The following ADAMTS17 variants were observed in gnomAD, a reference collection of about 807,000 sequenced individuals.
The protein encoded by ADAMTS17 is ADAM metallopeptidase with thrombospondin type 1 motif 17.
In ADAMTS17, 113 loss-of-function variants were observed where a neutral mutation model predicts 141.5. The observed-to-expected ratio is 0.80, with a 90% CI of 0.69 to 0.93. The LOEUF (loss-of-function observed/expected upper bound fraction) is 0.93. Ranked by LOEUF, ADAMTS17 falls within the 40% of genes least tolerant of loss-of-function variation. The pLI, the probability that ADAMTS17 is intolerant of heterozygous loss-of-function variation, is 0.00. For synonymous variants in ADAMTS17, 768 were observed against 630.6 expected, an observed-to-expected ratio of 1.22 and a Z score of -3.27; for missense variants, 1,659 against 1,517.9, an observed-to-expected ratio of 1.09 and a Z score of -1.54.
intron 3 of ADAMTS17, among the ~76,000 whole-genome samples, chr15:100,314,608 C>G (rs113679868): frequency 1.4e-3 from 210 of 152,142 alleles, no homozygotes; most frequent in African/African-American, 4.9e-3. Context: ...AGAAGCAAAC[C>G]AAAAGTATGG....
chr15:100,223,544 G>A (rs1181600199), intron 7 of ADAMTS17, among the ~76,000 whole-genome samples: 1 of 152,048 alleles, frequency 6.6e-6, no homozygotes, highest in Non-Finnish European at 1.5e-5. Flanking sequence ...GGGCAAAGAA[G>A]GCAGGGACTC....
intron 17 of ADAMTS17, among the ~76,000 whole-genome samples, chr15:100,049,937 C>T (rs2032012379): frequency 6.6e-6 from 1 of 152,218 alleles, no homozygotes; most frequent in Non-Finnish European, 1.5e-5. Context: ...GCTAACACTT[C>T]ATCTTAGCTC....
chr15:100,258,752 A>T (rs1319847469), intron 6 of ADAMTS17, among the ~76,000 whole-genome samples: 1 of 152,214 alleles, frequency 6.6e-6, no homozygotes, highest in Non-Finnish European at 1.5e-5. Flanking sequence ...TAGCCATTGT[A>T]AAAAGTTTGA....
At position 100,177,650 on chromosome 15, in the gene ADAMTS17, C is replaced by T. The variant is rs142149414; in HGVS notation, c.1181+21668G>A. On this transcript the variant is annotated intron_variant, in intron 8 of 21. Coordinates refer to ENST00000268070, the MANE Select transcript of ADAMTS17 (RefSeq NM_139057.4). ...TTGGATGAAGTGTTCTATAAATGTC[C>T]GTCGGATCCTGTTGGTTGATGTTTG... 2.6e-3 allele frequency among the ~76,000 whole-genome samples: 396 copies of T among 152,130 alleles called. 2 individuals are homozygous for T. The highest frequency in any genetic ancestry group is 9.0e-3 in the African/African-American group (371 of 41,452).
Position 100,086,198 on chromosome 15 carries a change from T to C in ADAMTS17, c.2137+10158A>G, listed in dbSNP as rs561372219. Among the ~76,000 whole-genome samples, 78 of 152,248 alleles carry C rather than the reference T, an allele frequency of 5.1e-4. 1 individual carries two copies. Among genetic ancestry groups the C allele is most frequent in the African/African-American group, 1.8e-3 (73 of 41,542 alleles). On this transcript the variant is annotated intron_variant, in intron 15 of 21. Coordinates refer to ENST00000268070, the MANE Select transcript of ADAMTS17 (RefSeq NM_139057.4). ...CAGAAAAAGGCAGAGGTTGCAATCC[T>C]AGTCTCTGATAAAACAGACTTTAAA...
chr15:100,107,591 G>A (rs74757418), intron 14 of ADAMTS17, among the ~76,000 whole-genome samples: 273 of 152,246 alleles, frequency 1.8e-3, no homozygotes, highest in Non-Finnish European at 2.6e-3. Context: ...GTGTTAGGAG[G>A]TGGATGTTTT....
At chr15:100,035,844 G>C (rs1372880688) in intron 18 of ADAMTS17, among the ~76,000 whole-genome samples, 1 of 152,086 alleles carries the variant, frequency 6.6e-6, no homozygotes, top group Non-Finnish European at 1.5e-5. Context: ...AAATAACCTA[G>C]AAAATGAAGA....
At chr15:100,251,521 C>G (rs112619081) in intron 7 of ADAMTS17, among the ~76,000 whole-genome samples, 1 of 152,176 alleles carries the variant, frequency 6.6e-6, no homozygotes, top group Non-Finnish European at 1.5e-5. Flanking sequence ...ATCAGCAGAT[C>G]GAGACCATCC....
Position 100,253,803 on chromosome 15 carries a change from G to C in ADAMTS17, c.1075+333C>G, listed in dbSNP as rs148216530. ...CTCATGACCACAACTGTGTAACTTA[G>C]CAGGCTGCCTCTCCTGCCTGGGTGA... On this transcript the variant is annotated intron_variant, in intron 7 of 21. Transcript: ENST00000268070. Among the ~76,000 whole-genome samples, 706 of 152,170 alleles carry C rather than the reference G, an allele frequency of 4.6e-3. 8 individuals are homozygous for C. Among genetic ancestry groups the C allele is most frequent in the Middle Eastern group, 0.01 (3 of 294 alleles).
intron 13 of ADAMTS17, among the ~76,000 whole-genome samples, chr15:100,113,231 G>A (rs1157651076): frequency 1.3e-5 from 2 of 152,294 alleles, no homozygotes; most frequent in East Asian, 3.9e-4. Context: ...GGTCATGTCT[G>A]CTCGTGGTTG....
intron 3 of ADAMTS17, among the ~76,000 whole-genome samples, chr15:100,315,929 C>T (rs763941965): frequency 3.3e-5 from 5 of 152,226 alleles, no homozygotes; most frequent in Non-Finnish European, 5.9e-5. Context: ...GAGGCCCTTG[C>T]AGAGCCTAAG....
At position 100,152,433 on chromosome 15, in the gene ADAMTS17, T is replaced by A. The variant is rs945300057; in HGVS notation, c.1473+179A>T. 2.6e-5 allele frequency among the ~76,000 whole-genome samples: 4 copies of A among 152,006 alleles called. No homozygotes were observed. In the East Asian group the frequency reaches 7.7e-4, roughly 29 times the overall value. ...ACACATGTGCAAATGCCTGTGAGAG[T>A]GTGTTTATGCATGTCTCTGTATGCA... On this transcript the variant is annotated intron_variant, in intron 10 of 21. Transcript: ENST00000268070.
chr15:99,984,351 C>G (rs2060541971), intron 20 of ADAMTS17, among the ~76,000 whole-genome samples: 1 of 152,224 alleles, frequency 6.6e-6, no homozygotes, highest in South Asian at 2.1e-4. Context: ...GCAAAAGCTG[C>G]AGTGAGACAG....
chr15:100,199,630 GGCATCTAATAC>G (rs2041246903), intron 7 of ADAMTS17, among the ~76,000 whole-genome samples: 1 of 152,174 alleles, frequency 6.6e-6, no homozygotes, highest in Non-Finnish European at 1.5e-5. Context: ...GCATCCATCA[GGCATCTAATAC>G]GCGTCGGGGG....
intron 20 of ADAMTS17, among the ~76,000 whole-genome samples, chr15:99,983,370 C>T (rs1008587122): frequency 6.6e-6 from 1 of 152,146 alleles, no homozygotes; most frequent in Admixed American, 6.5e-5. Flanking sequence ...TAAGTCTTCC[C>T]AAGCCACACA....
intron 3 of ADAMTS17, among the ~76,000 whole-genome samples, chr15:100,282,956 T>A (rs550284310): frequency 5.9e-5 from 9 of 152,192 alleles, no homozygotes; most frequent in Non-Finnish European, 1.2e-4. Context: ...CTAAAACACC[T>A]AGGAAGAACC....
At position 100,152,774 on chromosome 15, in the gene ADAMTS17, G is replaced by A. The variant is rs770627848; in HGVS notation, c.1323-12C>T. 60 of 1,614,010 alleles carry A rather than the reference G, an allele frequency of 3.7e-5. No individual in the cohort carries two copies. The highest frequency in any genetic ancestry group is 4.4e-5 in the Non-Finnish European group (52 of 1,180,048). On this transcript the variant is annotated splice_polypyrimidine_tract_variant and intron_variant, in intron 9 of 21. Transcript: ENST00000268070. The stretch of plus-strand genomic sequence containing the variant: ...TGCTGACTTTTGACCTGAAACAGCC[G>A]AGAGGCAAGTTGACTTGCAAATGTA...
intron 18 of ADAMTS17, among the ~76,000 whole-genome samples, chr15:100,047,114 G>T (rs1476999202): frequency 6.6e-6 from 1 of 151,918 alleles, no homozygotes; most frequent in Non-Finnish European, 1.5e-5. Flanking sequence ...GGTTGAGACA[G>T]TAGGCATGAA....
At chr15:100,063,521 A>G in intron 15 of ADAMTS17, 1 of 494,516 alleles carries the variant, frequency 2.0e-6, no homozygotes, top group South Asian at 1.8e-5. Flanking sequence ...GTCAAATATG[A>G]CAGCACTGTG....
Sources: gnomAD v4.1 joint callset for allele counts (sites outside exome capture counted in the v4.1 genomes callset) on GRCh38, gnomAD v4.1.1 for gene constraint, MANE v1.5 for transcripts, NCBI Gene and HGNC (gene_info 2026-07-23, HGNC 2026-07-21) for gene names.